Variants in DCUN1D4 observed in about 807,000 individuals in gnomAD.
DCUN1D4 encodes defective in cullin neddylation 1 domain containing 4.
Under a neutral mutation model 47.9 loss-of-function variants are expected in DCUN1D4, and 22 were observed. That is an observed-to-expected ratio of 0.46 (90% CI 0.33 to 0.66). The LOEUF is 0.66. Among genes scored for constraint, DCUN1D4 ranks in the 30% least tolerant of loss-of-function variants. The pLI, the probability that DCUN1D4 is intolerant of heterozygous loss-of-function variation, is 0.02. For missense variants in DCUN1D4, 301 were observed against 340.8 expected (o/e 0.88, Z 0.92); for synonymous variants, 121 against 112.2 (o/e 1.08, Z -0.50).
chr4:51,847,436 A>G (rs1722719556), intron 1 of DCUN1D4, among the ~76,000 whole-genome samples: 1 of 152,158 alleles, frequency 6.6e-6, no homozygotes, highest in African/African-American at 2.4e-5. Context: ...AAGCTGCAGT[A>G]ATTTTAATAA....
intron 8 of DCUN1D4, among the ~76,000 whole-genome samples, chr4:51,902,999 A>C (rs1374478208): frequency 6.6e-6 from 1 of 152,054 alleles, no homozygotes; most frequent in East Asian, 1.9e-4. Context: ...CTCATATTTT[A>C]TGCTGTTTTT....
chr4:51,871,132 TAA>T (rs397954672), intron 3 of DCUN1D4, among the ~76,000 whole-genome samples: 11 of 139,354 alleles, frequency 7.9e-5, no homozygotes, highest in Non-Finnish European at 7.9e-5. Flanking sequence ...GTGGAGAGAT[TAA>T]AAAAAAAAAA....
At chr4:51,909,279 C>T (rs1733356046) in intron 8 of DCUN1D4, 6 of 244,348 alleles carry the variant, frequency 2.5e-5, no homozygotes, top group Middle Eastern at 1.5e-3. Flanking sequence ...AAAGGGAAAA[C>T]TCTTCCAGAG....
intron 3 of DCUN1D4, among the ~76,000 whole-genome samples, chr4:51,866,265 A>T (rs150303931): frequency 3.3e-5 from 5 of 152,338 alleles, no homozygotes; most frequent in Non-Finnish European, 1.5e-5. Flanking sequence ...AAAAAATATA[A>T]AACAAAAAGT....
Position 51,882,110 on chromosome 4 carries a change from A to G in DCUN1D4, c.343+4256A>G, listed in dbSNP as rs376635894. On this transcript the variant is annotated intron_variant, in intron 5 of 10. Coordinates refer to ENST00000334635, the MANE Select transcript of DCUN1D4 (RefSeq NM_001040402.3). ...AAGATATTACTTTGACAGTCATGCC[A>G]TTGCAAATTAAAATCTTGCTCTTCT... Among the ~76,000 whole-genome samples, 35 of 6,650 alleles carry G rather than the reference A, an allele frequency of 5.3e-3. 1 individual carries two copies. The East Asian group carries it at 0.15, about 28-fold the overall frequency. The allele number at this position is 6,650 out of a possible 152,430, so 4.4% of individuals were successfully genotyped here.
At chr4:51,884,069 G>GA (rs1427694603) in intron 5 of DCUN1D4, among the ~76,000 whole-genome samples, 3 of 151,312 alleles carry the variant, frequency 2.0e-5, no homozygotes, top group African/African-American at 4.8e-5. Context: ...CAAAACCCCA[G>GA]AAAAAAGTAA....
At chr4:51,858,304 C>T (rs967181115) in intron 1 of DCUN1D4, among the ~76,000 whole-genome samples, 5 of 152,042 alleles carry the variant, frequency 3.3e-5, no homozygotes, top group African/African-American at 1.2e-4. Flanking sequence ...GGGGGAAGAG[C>T]GCTCAAGGTA....
In DCUN1D4 at chr4:51,897,293, CAA is replaced by C. The variant is rs370491988; in HGVS notation, c.507-1975_507-1974del. 2.8e-3 allele frequency among the ~76,000 whole-genome samples: 431 copies of C among 152,202 alleles called. 3 individuals are homozygous for C. Among genetic ancestry groups the C allele is most frequent in the African/African-American group, 9.7e-3 (401 of 41,526 alleles). The stretch of plus-strand genomic sequence containing the variant: ...GCTTTTAGATAGTTTATCATATCAA[CAA>C]AGAGATCATAAGGACTTATTTGTAG... On this transcript the variant is annotated intron_variant, in intron 7 of 10. Transcript: ENST00000334635.
At chr4:51,842,336 T>C (rs1721735163), upstream of DCUN1D4, among the ~76,000 whole-genome samples, 1 of 152,180 alleles carries the variant, frequency 6.6e-6, no homozygotes, top group African/African-American at 2.4e-5. Context: ...GTCTGGGGCA[T>C]ACAGATGTGT....
chr4:51,876,577 A>G (rs907631685), intron 4 of DCUN1D4, among the ~76,000 whole-genome samples: 4 of 152,258 alleles, frequency 2.6e-5, no homozygotes, highest in Non-Finnish European at 5.9e-5. Flanking sequence ...ATACAAAAAA[A>G]AAAGGATTAT....
At chr4:51,839,692 A>C (rs1238737231), upstream of DCUN1D4, among the ~76,000 whole-genome samples, 1 of 152,164 alleles carries the variant, frequency 6.6e-6, no homozygotes, top group Non-Finnish European at 1.5e-5. Flanking sequence ...CTAAGGCCAA[A>C]TTAATTCCTC....
At chr4:51,895,173 C>T (rs1731046637) in intron 7 of DCUN1D4, among the ~76,000 whole-genome samples, 1 of 151,484 alleles carries the variant, frequency 6.6e-6, no homozygotes, top group African/African-American at 2.4e-5. Context: ...ACATTCAGAC[C>T]CTTCATTATA....
intron 1 of DCUN1D4, among the ~76,000 whole-genome samples, chr4:51,858,605 C>T (rs1321970907): frequency 6.6e-6 from 1 of 152,208 alleles, no homozygotes; most frequent in Non-Finnish European, 1.5e-5. Flanking sequence ...ATTATGTCTT[C>T]TCCATTGAGT....
intron 4 of DCUN1D4, among the ~76,000 whole-genome samples, chr4:51,877,034 G>A: frequency 6.6e-6 from 1 of 152,072 alleles, no homozygotes; most frequent in Non-Finnish European, 1.5e-5. Context: ...TGGTTATTAT[G>A]AAGTATGTCA....
rs890733712 is a variant in DCUN1D4, at chr4:51,914,569, C to A, written c.*985C>A. The A allele has an allele frequency of 1.4e-4, 21 of 152,620 alleles. No individual in the cohort carries two copies. The highest frequency in any genetic ancestry group is 4.8e-4 in the African/African-American group (20 of 41,534). The allele number at this position is 152,620 out of a possible 1,614,324, so 9.5% of individuals were successfully genotyped here. A position where few individuals can be genotyped will look rare whatever the true frequency, so the allele number is the denominator to read the frequency against. ...TTTTCCAGCCTTTTGAGAAAACAAG[C>A]ATACTATAAGTGAGAGCTGTTTTGT... On this transcript the variant is annotated 3_prime_UTR_variant, in exon 11 of 11. Coordinates refer to ENST00000334635, the MANE Select transcript of DCUN1D4 (RefSeq NM_001040402.3).
intron 3 of DCUN1D4, chr4:51,865,284 C>T (rs532685691): frequency 3.0e-5 from 7 of 232,694 alleles, no homozygotes; most frequent in East Asian, 1.1e-4. Context: ...GCCAAGCCAG[C>T]GTGGAGCTAC....
At chr4:51,881,570 G>A (rs1484113493) in intron 5 of DCUN1D4, among the ~76,000 whole-genome samples, 1 of 150,926 alleles carries the variant, frequency 6.6e-6, no homozygotes, top group African/African-American at 2.4e-5. Flanking sequence ...ACTTCTTTCT[G>A]GATTATTGTC....
chr4:51,878,668 A>AT (rs1175836781), intron 5 of DCUN1D4, among the ~76,000 whole-genome samples: 5 of 152,206 alleles, frequency 3.3e-5, no homozygotes, highest in Non-Finnish European at 7.3e-5. Flanking sequence ...AATCCCTGCT[A>AT]TCTGCAGGAT....
chr4:51,853,800 T>C (rs1723721301), intron 1 of DCUN1D4, among the ~76,000 whole-genome samples: 1 of 152,196 alleles, frequency 6.6e-6, no homozygotes, highest in Non-Finnish European at 1.5e-5. Context: ...TATTTTGGGC[T>C]GTGGAGATGG....
Sources: gnomAD v4.1 joint callset for allele counts (sites outside exome capture counted in the v4.1 genomes callset) on GRCh38, gnomAD v4.1.1 for gene constraint, MANE v1.5 for transcripts, NCBI Gene and HGNC (gene_info 2026-07-23, HGNC 2026-07-21) for gene names.